Variants in THSD4 observed in about 807,000 individuals in gnomAD.
THSD4 encodes thrombospondin type 1 domain containing 4.
THSD4 carries 69 observed loss-of-function variants against 119.0 expected under a neutral mutation model. That is an observed-to-expected ratio of 0.58 (90% confidence interval 0.48 to 0.71). The LOEUF is 0.71. Among genes scored for constraint, THSD4 ranks in the 30% least tolerant of loss-of-function variants. The pLI is 0.00. For missense variants in THSD4, 1,393 were observed against 1,391.1 expected (o/e 1.00, Z -0.02); for synonymous variants, 524 against 540.4 (o/e 0.97, Z 0.42).
chr15:71,333,678 G>A (rs2045455834), intron 6 of THSD4, among the ~76,000 whole-genome samples: 1 of 152,126 alleles, frequency 6.6e-6, no homozygotes, highest in African/African-American at 2.4e-5. Flanking sequence ...AAATGGTTGT[G>A]ACTGTCGTTA....
chr15:71,747,254 A>G (rs1374595451), intron 13 of THSD4, among the ~76,000 whole-genome samples: 3 of 152,300 alleles, frequency 2.0e-5, no homozygotes, highest in African/African-American at 4.8e-5. Context: ...AGCCAACTTT[A>G]TGAGTGAGCC....
At chr15:71,630,190 A>G (rs897772096) in intron 7 of THSD4, among the ~76,000 whole-genome samples, 28 of 152,284 alleles carry the variant, frequency 1.8e-4, no homozygotes, top group African/African-American at 5.8e-4. Flanking sequence ...CCTTTAATCA[A>G]TGCTTGCTGT....
intron 1 of THSD4, among the ~76,000 whole-genome samples, chr15:71,119,983 G>A (rs930050348): frequency 3.3e-5 from 5 of 152,202 alleles, no homozygotes; most frequent in South Asian, 2.1e-4. Flanking sequence ...CATAGCAGGC[G>A]CTCAGTGTTA....
rs550006723 is a variant in THSD4, at chr15:71,610,218, G to A, written c.1153-50312G>A. Among the ~76,000 whole-genome samples the A allele has an allele frequency of 8.7e-4, 132 of 152,318 alleles. 1 individual carries two copies. The highest frequency in any genetic ancestry group is 1.6e-3 in the Admixed American group (24 of 15,304). On this transcript the variant is annotated intron_variant, in intron 7 of 17. Transcript: ENST00000261862. ...TCAGAGGAAATATGTGTTGCAGAGA[G>A]GCAGAGAACCATGGTGGCATTTTGC...
At chr15:71,444,043 TA>T (rs1442281123) in intron 7 of THSD4, among the ~76,000 whole-genome samples, 2 of 152,050 alleles carry the variant, frequency 1.3e-5, no homozygotes, top group African/African-American at 2.4e-5. Context: ...TGTCTGCATT[TA>T]AAAAAAAGTT....
rs553331524 is a variant in THSD4 at position 71,763,998 on chromosome 15, T to C, written c.2590-1022T>C. Among the ~76,000 whole-genome samples the C allele has an allele frequency of 2.7e-5, 4 of 150,486 alleles. No homozygotes were observed. In the South Asian group the frequency reaches 6.4e-4, roughly 24 times the overall value. On this transcript the variant is annotated intron_variant, in intron 15 of 17. Transcript: ENST00000261862. ...GGGATGATCACTTGAGTCTGGGGAG[T>C]GGAGGTTGCAGTGAGCCAAGATCAC...
At chr15:71,607,845 A>T (rs1419111597) in intron 7 of THSD4, among the ~76,000 whole-genome samples, 1 of 152,192 alleles carries the variant, frequency 6.6e-6, no homozygotes, top group African/African-American at 2.4e-5. Flanking sequence ...GACAGGACTC[A>T]TGTGTTATGT....
intron 7 of THSD4, among the ~76,000 whole-genome samples, chr15:71,614,180 A>T (rs1362270349): frequency 1.3e-5 from 2 of 152,224 alleles, no homozygotes; most frequent in African/African-American, 4.8e-5. Context: ...AAGTAGAAGT[A>T]AGTACAGAGA....
At chr15:71,171,452 G>A (rs1306329386) in intron 3 of THSD4, among the ~76,000 whole-genome samples, 1 of 152,014 alleles carries the variant, frequency 6.6e-6, no homozygotes, top group Non-Finnish European at 1.5e-5. Context: ...AAAAATGAAG[G>A]TAAAATAAAG....
chr15:71,590,670 T>A (rs376083964), intron 7 of THSD4, among the ~76,000 whole-genome samples: 1 of 152,112 alleles, frequency 6.6e-6, no homozygotes, highest in African/African-American at 2.4e-5. Flanking sequence ...TTTACCTATG[T>A]AACAAACATG....
intron 7 of THSD4, among the ~76,000 whole-genome samples, chr15:71,552,465 A>G (rs1163086209): frequency 1.3e-5 from 2 of 152,216 alleles, no homozygotes; most frequent in Admixed American, 1.3e-4. Context: ...ATGAAGGGTC[A>G]ATGTAATGAC....
intron 6 of THSD4, among the ~76,000 whole-genome samples, chr15:71,275,175 A>C (rs911045391): frequency 2.6e-5 from 4 of 152,132 alleles, no homozygotes; most frequent in African/African-American, 9.7e-5. Flanking sequence ...AGAGTCACCG[A>C]GAAGTTACAT....
intron 12 of THSD4, among the ~76,000 whole-genome samples, chr15:71,745,788 G>A (rs762101909): frequency 6.6e-6 from 1 of 152,220 alleles, no homozygotes; most frequent in African/African-American, 2.4e-5. Flanking sequence ...GGGACTACAG[G>A]TGCACATTAC....
At chr15:71,136,778 G>A (rs562464714) in intron 1 of THSD4, among the ~76,000 whole-genome samples, 4 of 152,250 alleles carry the variant, frequency 2.6e-5, no homozygotes, top group Admixed American at 6.5e-5. Context: ...CTCCAGGAGG[G>A]GGTCCTCCAG....
chr15:71,536,640 T>C (rs968195149), intron 7 of THSD4, among the ~76,000 whole-genome samples: 31 of 152,204 alleles, frequency 2.0e-4, no homozygotes, highest in African/African-American at 7.0e-4. Context: ...CATGATGTTT[T>C]GGGTTTATGT....
chr15:71,249,609 T>C (rs972755019), intron 5 of THSD4, among the ~76,000 whole-genome samples: 17 of 151,834 alleles, frequency 1.1e-4, no homozygotes, highest in South Asian at 4.2e-4. Context: ...CATATATATA[T>C]ACACACACAC....
chr15:71,336,684 G>A (rs559029755), intron 6 of THSD4, among the ~76,000 whole-genome samples: 71 of 152,238 alleles, frequency 4.7e-4, no homozygotes, highest in African/African-American at 1.6e-3. Flanking sequence ...TATCATTTCT[G>A]TTCCTTAAAG....
intron 6 of THSD4, among the ~76,000 whole-genome samples, chr15:71,337,548 T>A (rs2045504206): frequency 6.6e-6 from 1 of 152,230 alleles, no homozygotes; most frequent in Admixed American, 6.5e-5. Context: ...TCTGGCCTGA[T>A]AAATAGCTAA....
rs779316324 is a variant in THSD4 at position 71,780,688 on chromosome 15, CAAG to C, written c.*3317_*3319del. On this transcript the variant is annotated 3_prime_UTR_variant, in exon 18 of 18. Transcript: ENST00000261862. ...CCGCCCCCAGGGAACTAGAACATGA[CAAG>C]AATTCTCCGCACTGTGCCTACCTGT... 1.1e-5 allele frequency: 5 copies of C among 456,618 alleles called. No homozygotes were observed. Among genetic ancestry groups the C allele is most frequent in the South Asian group, 4.6e-5 (3 of 64,564 alleles). The allele number at this position is 456,618 out of a possible 1,614,324, so 28.3% of individuals were successfully genotyped here. A position where few individuals can be genotyped will look rare whatever the true frequency, so the allele number is the denominator to read the frequency against.
Sources: gnomAD v4.1 joint callset for allele counts (sites outside exome capture counted in the v4.1 genomes callset) on GRCh38, gnomAD v4.1.1 for gene constraint, MANE v1.5 for transcripts, NCBI Gene and HGNC (gene_info 2026-07-23, HGNC 2026-07-21) for gene names.